The following ZNF816 variants were observed in gnomAD, a reference collection of about 807,000 sequenced individuals.
ZNF816 encodes zinc finger protein 816.
A neutral mutation model predicts 8.3 loss-of-function variants in ZNF816; 11 were observed. That is an observed-to-expected ratio of 1.32 (90% CI 0.83 to 2.19). ZNF816 has a LOEUF of 2.19. Among genes scored for constraint, ZNF816 ranks in the 30% most tolerant of loss-of-function variants. ZNF816 has a pLI of 0.00. For missense variants in ZNF816, 710 were observed against 779.3 expected (o/e 0.91, Z 1.06); for synonymous variants, 255 against 254.5 (o/e 1.00, Z -0.02).
At chr19:52,956,175 CACAGGGGAA>C (rs2083508698) in intron 1 of ZNF816, 71 bp from the exon 2 acceptor site, 31 of 1,528,226 alleles carry the variant, frequency 2.0e-5, no homozygotes, top group Non-Finnish European at 2.7e-5. Flanking sequence ...AAAACACACA[CACAGGGGAA>C]ACCTCACCCG....
chr19:52,951,867 C>A, intron 3 of ZNF816: 2 of 417,362 alleles, frequency 4.8e-6, no homozygotes, highest in Non-Finnish European at 8.4e-6. Context: ...CATTGCACTC[C>A]AGCCTGGGCA....
intron 2 of ZNF816, among the ~76,000 whole-genome samples, chr19:52,954,787 G>A (rs1293363421): frequency 6.7e-6 from 1 of 150,240 alleles, no homozygotes; most frequent in Non-Finnish European, 1.5e-5. Context: ...CACTCCAGGC[G>A]GGGAGGCCCT....
At chr19:52,951,608 G>T (rs747228261) in intron 3 of ZNF816, 24 bp from the exon 4 acceptor site, 25 of 1,512,460 alleles carry the variant, frequency 1.7e-5, no homozygotes, top group Non-Finnish European at 1.9e-5. Context: ...AGACCAATAG[G>T]TTTCCAATTA....
At chr19:52,961,974 G>C (rs147608612) in intron 1 of ZNF816, among the ~76,000 whole-genome samples, 1 of 152,246 alleles carries the variant, frequency 6.6e-6, no homozygotes, top group East Asian at 1.9e-4. Context: ...GCTAAGGAAA[G>C]AAAAAACTTC....
rs1245902728 is a variant in ZNF816 at position 52,954,085 on chromosome 19, T to G, written c.64-1208A>C. On this transcript the variant is annotated intron_variant, in intron 2 of 3. Transcript: ENST00000444460. ...TATATATATATTGCAAATAATGTAT[T>G]TTCTACATAAACCGTGGGATTGGCT... Among the ~76,000 whole-genome samples the G allele has an allele frequency of 5.3e-5, 8 of 151,440 alleles. No homozygotes were observed. In the East Asian group the frequency reaches 1.5e-3, roughly 29 times the overall value.
intron 1 of ZNF816, 91 bp downstream of exon 1, chr19:52,962,636 T>C (rs1600730638): frequency 6.6e-6 from 1 of 151,996 alleles, no homozygotes; most frequent in East Asian, 1.9e-4. Context: ...CGACAGGAGG[T>C]GTCTGCACGG....
intron 3 of ZNF816, among the ~76,000 whole-genome samples, chr19:52,952,155 G>A (rs571305524): frequency 1.3e-5 from 2 of 152,238 alleles, no homozygotes; most frequent in Admixed American, 1.3e-4. Context: ...AATTGCTTGA[G>A]GCCAGGAGTT....
In ZNF816 at chr19:52,949,982, C is replaced by T. The variant is rs750706753; in HGVS notation, c.1793G>A (p.Cys598Tyr). ...TGCTTTTTGATTAAAAACCTTGCCA[C>T]ATTCATTACACTTGTAAGGTTTCTC... Reference protein sequence around the residue: ...TGEKPYKCNECGKVFNQKASL... With the variant: ...TGEKPYKCNEYGKVFNQKASL... The change falls in exon 4 of 4, where the codon TGT becomes TAT. Residue 598 changes from cysteine (C) to tyrosine (Y), a missense_variant. Coordinates refer to ENST00000444460, the MANE Select transcript of ZNF816 (RefSeq NM_001202457.3). The T allele has an allele frequency of 6.2e-7, 1 of 1,613,988 alleles. No individual in the cohort carries two copies. The highest frequency in any genetic ancestry group is 8.5e-7 in the Non-Finnish European group (1 of 1,179,934).
chr19:52,960,723 C>A (rs2083549279), intron 1 of ZNF816, among the ~76,000 whole-genome samples: 1 of 152,104 alleles, frequency 6.6e-6, no homozygotes, highest in Non-Finnish European at 1.5e-5. Flanking sequence ...GGAAAGTACC[C>A]CAGACCGTCA....
At chr19:52,956,379 T>C (rs894456757) in intron 1 of ZNF816, 93 of 295,448 alleles carry the variant, frequency 3.1e-4, no homozygotes, top group African/African-American at 1.8e-3. Context: ...CTAACCAAAC[T>C]CCATGCAGAG....
In ZNF816 at chr19:52,954,613, C is replaced by T. The variant is rs116844237; in HGVS notation, c.63+1414G>A. Among the ~76,000 whole-genome samples, 24 of 152,090 alleles carry T rather than the reference C, an allele frequency of 1.6e-4. No homozygotes were observed. In the East Asian group the frequency reaches 4.7e-3, roughly 29 times the overall value. On this transcript the variant is annotated intron_variant, in intron 2 of 3. Coordinates refer to ENST00000444460, the MANE Select transcript of ZNF816 (RefSeq NM_001202457.3). ...GCCGACGTGGAAGGATCACTTGAGG[C>T]CAAAAGTTCGAGACCAGCCTGGCCA...
chr19:52,955,511 C>T (rs890076672), intron 2 of ZNF816, among the ~76,000 whole-genome samples: 2 of 152,218 alleles, frequency 1.3e-5, no homozygotes, highest in African/African-American at 4.8e-5. Context: ...CCCAGAGTGA[C>T]ACCGTGTCTC....
chr19:52,949,678 A>T lies in ZNF816; in HGVS notation c.*141T>A. ...GATATTTGTAAGGTTTCTCTCCAGTATGAGTTCACTGATGAACTACAAGTT... is the reference window on the plus strand; with the variant it reads ...GATATTTGTAAGGTTTCTCTCCAGTTTGAGTTCACTGATGAACTACAAGTT... On this transcript the variant is annotated 3_prime_UTR_variant, in exon 4 of 4. Coordinates refer to ENST00000444460, the MANE Select transcript of ZNF816 (RefSeq NM_001202457.3). The T allele has an allele frequency of 7.9e-7, 1 of 1,264,494 alleles. No homozygotes were observed. Among genetic ancestry groups the T allele is most frequent in the Non-Finnish European group, 1.1e-6 (1 of 871,654 alleles). 78.3% of individuals were successfully genotyped at this position (1,264,494 alleles called of 1,614,324 possible).
Position 52,951,401 on chromosome 19 carries a change from T to G in ZNF816, c.374A>C (p.His125Pro), listed in dbSNP as rs139245005. 4.3e-6 allele frequency: 7 copies of G among 1,614,112 alleles called. No individual in the cohort carries two copies. Among genetic ancestry groups the G allele is most frequent in the Middle Eastern group, 3.3e-4 (2 of 6,058 alleles). The change falls in exon 4 of 4, where the codon CAT becomes CCT. Residue 125 changes from histidine to proline, a missense_variant. By Grantham distance (77) the His-to-Pro change is moderately conservative. Coordinates refer to ENST00000444460, the MANE Select transcript of ZNF816 (RefSeq NM_001202457.3). ...FQWQEVERNG[H>P]EAPMTKIKKL... ...TTTGATTTTTGTCATGGGTGCTTCATGGCCATTTCTTTCAACTTCTTGCCA... is the reference window on the plus strand; with the variant it reads ...TTTGATTTTTGTCATGGGTGCTTCAGGGCCATTTCTTTCAACTTCTTGCCA...
chr19:52,953,504 AAT>A (rs1297602060), intron 2 of ZNF816: 11 of 95,544 alleles, frequency 1.2e-4, no homozygotes, highest in African/African-American at 9.2e-4. Context: ...TTTAATATTT[AAT>A]TATATATAAT....
chr19:52,953,348 G>A (rs141260205), intron 2 of ZNF816: 178 of 310,320 alleles, frequency 5.7e-4, no homozygotes, highest in East Asian at 3.2e-3. Context: ...AGCCAAGATC[G>A]TGCCATTGCA....
chr19:52,951,634 T>C, intron 3 of ZNF816, 50 bp from the exon 4 acceptor site: 1 of 1,442,982 alleles, frequency 6.9e-7, no homozygotes, highest in Non-Finnish European at 9.3e-7. Context: ...AGATGGTAAA[T>C]AATAGTTGAT....
At chr19:52,959,268 A>T (rs2122170999) in intron 1 of ZNF816, among the ~76,000 whole-genome samples, 1 of 152,398 alleles carries the variant, frequency 6.6e-6, no homozygotes, top group Middle Eastern at 3.4e-3. Context: ...CTAAACAAGT[A>T]CCAAAGCTTG....
chr19:52,950,274 T>A lies in ZNF816; in HGVS notation c.1501A>T (p.Arg501Ter). Reference protein sequence around the residue: ...SRRENLARHHRLHAGEKPYKC... With the variant: ...SRRENLARHH ...TAAGGTTTCTCTCCAGCATGAAGTCTATGATGACGTGCAAGGTTTTCTCTT... is the reference window on the plus strand; with the variant it reads ...TAAGGTTTCTCTCCAGCATGAAGTCAATGATGACGTGCAAGGTTTTCTCTT... The change falls in exon 4 of 4, where the codon AGA becomes TGA. Residue 501 changes from arginine to a stop codon, truncating the protein, a stop_gained. Coordinates refer to ENST00000444460, the MANE Select transcript of ZNF816 (RefSeq NM_001202457.3). LOFTEE classifies it low-confidence loss of function (END_TRUNC). 6.2e-7 allele frequency: 1 copy of A among 1,613,790 alleles called. No homozygotes were observed. Among genetic ancestry groups the A allele is most frequent in the Non-Finnish European group, 8.5e-7 (1 of 1,179,912 alleles).
Sources: allele counts gnomAD v4.1 joint callset (sites outside exome capture counted in the v4.1 genomes callset), GRCh38; gene constraint gnomAD v4.1.1; transcripts MANE v1.5; gene names NCBI Gene and HGNC (gene_info 2026-07-23, HGNC 2026-07-21).